Variants in NDUFS8 observed in about 807,000 individuals in gnomAD.
The protein encoded by NDUFS8 is NADH:ubiquinone oxidoreductase core subunit S8, also known as NADH dehydrogenase [ubiquinone] iron-sulfur protein 8, mitochondrial.
In NDUFS8, 13 loss-of-function variants were observed where a neutral mutation model predicts 25.6. The observed-to-expected ratio is 0.51, with a 90% CI of 0.33 to 0.81. NDUFS8 has a LOEUF of 0.81. NDUFS8 is among the 30% of genes least tolerant of loss of function. NDUFS8 has a pLI of 0.02. For synonymous variants in NDUFS8, 119 were observed against 119.4 expected (o/e 1.00, Z 0.02); for missense variants, 257 against 300.9 (o/e 0.85, Z 1.08).
intron 5 of NDUFS8, chr11:68,033,577 A>T (rs1351116686): frequency 4.0e-6 from 2 of 500,744 alleles, no homozygotes; most frequent in South Asian, 2.2e-5. Flanking sequence ...CCATGGGGTG[A>T]CACCTGAGGC....
chr11:68,036,479 CT>C lies in NDUFS8; in HGVS notation c.520del (p.Ser174ProfsTer?). 1 of 1,614,080 alleles carries C rather than the reference CT, an allele frequency of 6.2e-7. No individual in the cohort carries two copies. Among genetic ancestry groups the C allele is most frequent in the South Asian group, 1.1e-5 (1 of 91,074 alleles). ...AIVEGPNFEF[S>X]TETHEELLYN... ...ACCTGCAGGGCCCCAACTTTGAGTT[CT>C]CCACGGAGACCCATGAGGAGCTGCT... On this transcript the variant is annotated frameshift_variant, in exon 7 of 7. Coordinates refer to ENST00000313468, the MANE Select transcript of NDUFS8 (RefSeq NM_002496.4). LOFTEE classifies it high-confidence loss of function.
At chr11:68,033,368 C>A (rs1854811406) in intron 5 of NDUFS8, 85 bp downstream of exon 5, 3 of 1,496,406 alleles carry the variant, frequency 2.0e-6, no homozygotes, top group Admixed American at 1.9e-5. Context: ...AAACCCTAGC[C>A]CCTGCTTGAT....
chr11:68,033,102 T>C lies in NDUFS8; in HGVS notation c.200-9T>C. 2 of 1,613,032 alleles carry C rather than the reference T, an allele frequency of 1.2e-6. No homozygotes were observed. The highest frequency in any genetic ancestry group is 8.5e-7 in the Non-Finnish European group (1 of 1,179,824). On this transcript the variant is annotated splice_polypyrimidine_tract_variant and intron_variant, in intron 4 of 6. Transcript: ENST00000313468. ...GTGCCCCTGCCCACCACACCCGTGC[T>C]GCCCACAGGCCTGGGCATGACCCTG...
intron 1 of NDUFS8, 42 bp from the exon 2 acceptor site, chr11:68,032,110 T>C (rs756780874): frequency 1.6e-5 from 26 of 1,611,512 alleles, no homozygotes; most frequent in Non-Finnish European, 2.0e-5. Flanking sequence ...AGAGGATGGT[T>C]CTTGGGCACA....
intron 1 of NDUFS8, among the ~76,000 whole-genome samples, chr11:68,031,934 T>C (rs1305864637): frequency 6.6e-6 from 1 of 152,050 alleles, no homozygotes; most frequent in African/African-American, 2.4e-5. Flanking sequence ...GAACTTGGGG[T>C]CCACAGAAAC....
intron 5 of NDUFS8, chr11:68,033,515 C>T (rs1854815033): frequency 4.8e-6 from 3 of 630,882 alleles, no homozygotes; most frequent in Non-Finnish European, 5.7e-6. Context: ...GCCTGACACA[C>T]AGAGGTTCCC....
chr11:68,033,921 C>T (rs1483138390), intron 5 of NDUFS8: 3 of 161,752 alleles, frequency 1.9e-5, no homozygotes, highest in African/African-American at 4.8e-5. Context: ...TCCTCCAGGC[C>T]ATGAGCTGCG....
chr11:68,036,398 G>T lies in NDUFS8; in HGVS notation c.501+17G>T. ...ATCGTCGAGGCACGTGAGGCCCCCGGGTGGGAGGGGGCCTGAGGCTCCTCA... is the reference window on the plus strand; with the variant it reads ...ATCGTCGAGGCACGTGAGGCCCCCGTGTGGGAGGGGGCCTGAGGCTCCTCA... On this transcript the variant is annotated intron_variant, in intron 6 of 6. Transcript: ENST00000313468. 1.9e-6 allele frequency: 3 copies of T among 1,613,762 alleles called. No individual in the cohort carries two copies. In the East Asian group the frequency reaches 6.7e-5, roughly 36 times the overall value.
chr11:68,034,485 TCA>T (rs1590790516), intron 5 of NDUFS8: 1 of 152,194 alleles, frequency 6.6e-6, no homozygotes, highest in South Asian at 2.1e-4. Flanking sequence ...GTAAACTGAG[TCA>T]CACAGCTGTT....
At chr11:68,035,762 G>T in intron 5 of NDUFS8, 1 of 453,048 alleles carries the variant, frequency 2.2e-6, no homozygotes, top group Non-Finnish European at 4.4e-6. Context: ...GCTCACGCTT[G>T]TAATCCCAGC....
intron 4 of NDUFS8, 47 bp from the exon 5 acceptor site, chr11:68,033,064 A>G (rs752905572): frequency 6.2e-7 from 1 of 1,613,146 alleles, no homozygotes; most frequent in East Asian, 2.2e-5. Context: ...GCACGGATGC[A>G]TGGGGGAGGA....
intron 5 of NDUFS8, 42 bp from the exon 6 acceptor site, chr11:68,036,211 G>A (rs1041507637): frequency 1.2e-6 from 2 of 1,610,754 alleles, no homozygotes; most frequent in Non-Finnish European, 1.7e-6. Flanking sequence ...GGGCTGGGAT[G>A]TGACAGGGCA....
chr11:68,035,151 T>G (rs1361982125), intron 5 of NDUFS8: 2 of 152,724 alleles, frequency 1.3e-5, no homozygotes, highest in Admixed American at 6.5e-5. Flanking sequence ...AAAAATACTT[T>G]AGGGGCCAGG....
At chr11:68,033,370 C>A in intron 5 of NDUFS8, 87 bp downstream of exon 5, 1 of 1,477,624 alleles carries the variant, frequency 6.8e-7, no homozygotes, top group East Asian at 2.4e-5. Flanking sequence ...ACCCTAGCCC[C>A]TGCTTGATGT....
Position 68,032,933 on chromosome 11 carries a change from C to G in NDUFS8, c.120C>G (p.Asn40Lys), listed in dbSNP as rs1487199268. The G allele has an allele frequency of 6.2e-7, 1 of 1,613,898 alleles. No homozygotes were observed. The highest frequency in any genetic ancestry group is 8.5e-7 in the Non-Finnish European group (1 of 1,179,984). Reference sequence around the variant, plus strand: ...CCCGCCTCTCTGCAGAGTATGTGAACATGCAGGATCCCGAGATGGACATGA... The same window carrying G: ...CCCGCCTCTCTGCAGAGTATGTGAAGATGCAGGATCCCGAGATGGACATGA... ...SAVAATYKYV[N>K]MQDPEMDMKS... The change falls in exon 4 of 7, where the codon AAC becomes AAG. Residue 40 changes from asparagine to lysine, a missense_variant. Physicochemically the swap from Asn to Lys is moderately conservative, Grantham distance 94. Coordinates refer to ENST00000313468, the MANE Select transcript of NDUFS8 (RefSeq NM_002496.4).
intron 3 of NDUFS8, chr11:68,032,691 G>A (rs558683792): frequency 1.5e-5 from 12 of 826,470 alleles, no homozygotes; most frequent in East Asian, 2.7e-5. Flanking sequence ...AGGGAAGTGC[G>A]TCTGGGCTCC....
At position 68,033,378 on chromosome 11, in the gene NDUFS8, T is replaced by A. The variant is rs766916419; in HGVS notation, c.372+95T>A. ...GGCCCAAACCCTAGCCCCTGCTTGA[T>A]GTGCGTCCCCAGGAAGTCCCTTTCC... On this transcript the variant is annotated intron_variant, in intron 5 of 6. Transcript: ENST00000313468. 6 of 1,428,994 alleles carry A rather than the reference T, an allele frequency of 4.2e-6. No homozygotes were observed. In the South Asian group the frequency reaches 7.3e-5, roughly 17 times the overall value. 88.5% of individuals were successfully genotyped at this position (1,428,994 alleles called of 1,614,324 possible). A position where few individuals can be genotyped will look rare whatever the true frequency, so the allele number is the denominator to read the frequency against.
chr11:68,033,147 C>A lies in NDUFS8; in HGVS notation c.236C>A (p.Pro79Gln). 1.2e-6 allele frequency: 2 copies of A among 1,612,808 alleles called. No homozygotes were observed. The highest frequency in any genetic ancestry group is 1.7e-6 in the Non-Finnish European group (2 of 1,179,752). Residue 79 changes from proline (P) to glutamine (Q), a missense_variant, in exon 5 of 7, where the codon CCG becomes CAG. Transcript: ENST00000313468. ...GMTLSYLFRE[P>Q]ATINYPFEKG... ...ACCCTGAGCTACCTGTTCCGGGAACCGGCCACCATCAACTACCCGTTCGAG... is the reference window on the plus strand; with the variant it reads ...ACCCTGAGCTACCTGTTCCGGGAACAGGCCACCATCAACTACCCGTTCGAG...
At chr11:68,033,621 C>A in intron 5 of NDUFS8, 1 of 391,322 alleles carries the variant, frequency 2.6e-6, no homozygotes, top group Non-Finnish European at 4.8e-6. Flanking sequence ...CCACCGTTTC[C>A]GGAGTCCTGC....
Sources: gnomAD v4.1 joint callset for allele counts (sites outside exome capture counted in the v4.1 genomes callset) on GRCh38, gnomAD v4.1.1 for gene constraint, MANE v1.5 for transcripts, NCBI Gene and HGNC (gene_info 2026-07-23, HGNC 2026-07-21) for gene names.